ANKAR: variants seen among roughly 807,000 people sequenced by gnomAD.
ANKAR encodes ankyrin and armadillo repeat-containing protein.
A neutral mutation model predicts 146.2 loss-of-function variants in ANKAR; 136 were observed. The ratio of observed to expected loss-of-function variants is 0.93; its 90% CI spans 0.81 to 1.07. The LOEUF (loss-of-function observed/expected upper bound fraction) is 1.07, where lower values mean the gene tolerates loss of function less well. Among genes scored for constraint, ANKAR ranks in the 50% least tolerant of loss-of-function variants. The probability of loss-of-function intolerance (pLI) is 0.00; values close to 1 mark genes in which losing one functional copy is unlikely to be tolerated. For missense variants in ANKAR, 1,567 were observed against 1,679.9 expected (o/e 0.93, Z 1.18); for synonymous variants, 500 against 575.8 (o/e 0.87, Z 1.88).
chr2:189,762,720 C>T (rs2047308418), downstream of ANKAR: 2 of 985,336 alleles, frequency 2.0e-6, no homozygotes, highest in Admixed American at 6.1e-5. Context: ...CACTTGTCTC[C>T]TTTCCCTACT....
chr2:189,705,891 A>G (rs2038865676), intron 8 of ANKAR, among the ~76,000 whole-genome samples: 2 of 151,972 alleles, frequency 1.3e-5, no homozygotes, highest in Non-Finnish European at 2.9e-5. Context: ...GGATCTCTGA[A>G]CCTGATTTAG....
chr2:189,720,755 CATATCTTATCAGA>C lies in ANKAR; in HGVS notation c.2604_2616del (p.Tyr869PhefsTer2), dbSNP rs774989981. 1 of 1,498,768 alleles carries C rather than the reference CATATCTTATCAGA, an allele frequency of 6.7e-7. No individual in the cohort carries two copies. Among genetic ancestry groups the C allele is most frequent in the South Asian group, 1.4e-5 (1 of 69,914 alleles). 92.8% of individuals were successfully genotyped at this position (1,498,768 alleles called of 1,614,324 possible). On this transcript the variant is annotated frameshift_variant, in exon 12 of 23. Transcript: ENST00000684021. LOFTEE classifies it high-confidence loss of function. ...GCTGTGAGAGAACATAAAGGCCTCCCATATCTTATCAGATTTCTGAGTTCTGATTCAGGTGAGC... is the reference window on the plus strand; with the variant it reads ...GCTGTGAGAGAACATAAAGGCCTCCCTTTCTGAGTTCTGATTCAGGTGAGC...
At chr2:189,749,509 G>A (rs1187242155), downstream of ANKAR, among the ~76,000 whole-genome samples, 1 of 151,390 alleles carries the variant, frequency 6.6e-6, no homozygotes, top group African/African-American at 2.4e-5. Context: ...GAAAAACAGT[G>A]ATAAGCTTAT....
chr2:189,740,913 C>T (rs765346806), intron 19 of ANKAR, among the ~76,000 whole-genome samples: 6 of 152,040 alleles, frequency 3.9e-5, no homozygotes, highest in African/African-American at 1.4e-4. Flanking sequence ...AGGCTGGTCA[C>T]GAACTCCCGA....
chr2:189,755,219 A>T (rs980335497), intron 18 of ANKAR: 6 of 1,612,016 alleles, frequency 3.7e-6, no homozygotes, highest in African/African-American at 1.3e-5. Context: ...CTTTCCAAGA[A>T]GCAGAAAATC....
intron 7 of ANKAR, among the ~76,000 whole-genome samples, chr2:189,700,787 T>C (rs1216858610): frequency 3.3e-5 from 5 of 152,238 alleles, no homozygotes; most frequent in Non-Finnish European, 7.3e-5. Context: ...AGGCAAAGTT[T>C]GTCTTTCTTT....
intron 7 of ANKAR, among the ~76,000 whole-genome samples, chr2:189,698,962 T>C (rs145793357): frequency 0.04 from 6,066 of 152,264 alleles, 124 homozygotes; most frequent in South Asian, 0.072. Context: ...TCTCTCTTTT[T>C]CTTTTCTAAG....
chr2:189,762,968 C>A, downstream of ANKAR: 2 of 985,338 alleles, frequency 2.0e-6, no homozygotes, highest in Non-Finnish European at 2.4e-6. Flanking sequence ...CAGCTAGTGA[C>A]TGATCCAGCG....
At chr2:189,725,284 AC>A (rs2041751916) in intron 12 of ANKAR, among the ~76,000 whole-genome samples, 1 of 15,984 alleles carries the variant, frequency 6.3e-5, no homozygotes. Flanking sequence ...ATTTATACAC[AC>A]ACACACACAC....
chr2:189,762,771 G>A (rs2047319849), downstream of ANKAR: 11 of 985,350 alleles, frequency 1.1e-5, no homozygotes, highest in South Asian at 4.7e-4. Flanking sequence ...GAGAAAGCCC[G>A]AACCTGGCGC....
rs138945800 is a variant in ANKAR at position 189,728,346 on chromosome 2, A to G, written c.2957A>G (p.Tyr986Cys). 30 of 1,613,374 alleles carry G rather than the reference A, an allele frequency of 1.9e-5. No individual in the cohort carries two copies. Among genetic ancestry groups the G allele is most frequent in the Non-Finnish European group, 2.5e-5 (29 of 1,179,808 alleles). Reference sequence around the variant, plus strand: ...GGACAAACACTAAAACAACAAAAATATATGGCAGAACAAATTGGATACAGC... The same window carrying G: ...GGACAAACACTAAAACAACAAAAATGTATGGCAGAACAAATTGGATACAGC... ...LAGQTLKQQK[Y>C]MAEQIGYSFI... Residue 986 changes from tyrosine (Y) to cysteine (C), a missense_variant, in exon 14 of 23, where the codon TAT (tyrosine) becomes TGT (cysteine). By Grantham distance (194) the Tyr-to-Cys change is radical. Transcript: ENST00000684021.
chr2:189,707,378 G>T (rs1049572070), intron 9 of ANKAR, among the ~76,000 whole-genome samples: 1 of 134,416 alleles, frequency 7.4e-6, no homozygotes, highest in African/African-American at 2.8e-5. Context: ...CTGTGACCCA[G>T]ACTATATTTT....
At position 189,728,703 on chromosome 2, in the gene ANKAR, T is replaced by A; in HGVS notation, c.3075T>A (p.His1025Gln). The change falls in exon 15 of 23, where the codon CAT (histidine) becomes CAA (glutamine). Residue 1025 changes from histidine to glutamine, a missense_variant. By Grantham distance (24) the His-to-Gln change is conservative. Coordinates refer to ENST00000684021, the MANE Select transcript of ANKAR (RefSeq NM_001378068.1). ...VIALSKDSRM[H>Q]QNQICEGNGI... ...CTCTAAGTAAGGACAGCAGGATGCA[T>A]CAAAATCAAATATGTGAAGGGAATG... 6.2e-7 allele frequency: 1 copy of A among 1,614,042 alleles called. No individual in the cohort carries two copies. The highest frequency in any genetic ancestry group is 8.5e-7 in the Non-Finnish European group (1 of 1,179,936).
intron 10 of ANKAR, among the ~76,000 whole-genome samples, chr2:189,715,921 T>G (rs2040402949): frequency 1.3e-5 from 2 of 152,130 alleles, no homozygotes; most frequent in Admixed American, 6.5e-5. Context: ...ATAAACTAGG[T>G]ATTGATGGAA....
At chr2:189,726,604 G>A (rs1051176252) in intron 12 of ANKAR, among the ~76,000 whole-genome samples, 3 of 151,992 alleles carry the variant, frequency 2.0e-5, no homozygotes, top group African/African-American at 4.8e-5. Flanking sequence ...CCTGAGAAAA[G>A]GTTCCAGATA....
intron 20 of ANKAR, among the ~76,000 whole-genome samples, chr2:189,742,817 C>T (rs1400727885): frequency 5.7e-5 from 8 of 140,798 alleles, no homozygotes; most frequent in East Asian, 2.4e-4. Flanking sequence ...TCTTTGGTGG[C>T]ACATTAGAAT....
Position 189,695,216 on chromosome 2 carries a change from G to A in ANKAR, c.1488+55G>A, listed in dbSNP as rs1269730732. ...ATATGAAGTTATGTATTATTGATAA[G>A]TATGTGTCTCAAACAGATGTTTATC... On this transcript the variant is annotated intron_variant, in intron 6 of 22. Coordinates refer to ENST00000684021, the MANE Select transcript of ANKAR (RefSeq NM_001378068.1). 9 of 1,388,796 alleles carry A rather than the reference G, an allele frequency of 6.5e-6. No homozygotes were observed. The East Asian group carries it at 1.9e-4, about 29-fold the overall frequency. The allele number at this position is 1,388,796 out of a possible 1,614,324, so 86.0% of individuals were successfully genotyped here. A position where few individuals can be genotyped will look rare whatever the true frequency, so the allele number is the denominator to read the frequency against.
chr2:189,730,582 AC>A lies in ANKAR; in HGVS notation c.3284del (p.Pro1095LeufsTer18). ...FPVLIQLLRN[H>X]PSPNIKVEVA... ...GTACTTATCCAACTACTAAGAAATC[AC>A]CCTTCTCCTAACATTAAGGTATAAA... On this transcript the variant is annotated frameshift_variant, in exon 16 of 23. Transcript: ENST00000684021. LOFTEE classifies it high-confidence loss of function. 2.5e-6 allele frequency: 4 copies of A among 1,586,450 alleles called. No individual in the cohort carries two copies. The highest frequency in any genetic ancestry group is 2.6e-6 in the Non-Finnish European group (3 of 1,160,254).
intron 10 of ANKAR, among the ~76,000 whole-genome samples, chr2:189,717,189 C>G (rs2040575170): frequency 6.6e-6 from 1 of 152,096 alleles, no homozygotes; most frequent in African/African-American, 2.4e-5. Flanking sequence ...GCAATCTACC[C>G]ATCTGACAAA....
Sources: allele counts gnomAD v4.1 joint callset (sites outside exome capture counted in the v4.1 genomes callset), GRCh38; gene constraint gnomAD v4.1.1; transcripts MANE v1.5; gene names NCBI Gene and HGNC (gene_info 2026-07-23, HGNC 2026-07-21).